KCNIP1: variants seen among roughly 807,000 people sequenced by gnomAD.
KCNIP1 encodes the protein potassium voltage-gated channel interacting protein 1.
In KCNIP1, 18 loss-of-function variants were observed where a neutral mutation model predicts 33.0. That is an observed-to-expected ratio of 0.55 (90% confidence interval 0.38 to 0.81). The LOEUF is 0.81. Ranked by LOEUF, KCNIP1 falls within the 30% of genes least tolerant of loss-of-function variation. The pLI, the probability that KCNIP1 is intolerant of heterozygous loss-of-function variation, is 0.00. For missense variants in KCNIP1, 238 were observed against 271.6 expected, an observed-to-expected ratio of 0.88 and a Z score of 0.87; for synonymous variants, 93 against 98.3, an observed-to-expected ratio of 0.95 and a Z score of 0.32.
chr5:170,364,544 C>T (rs1344664632), intron 1 of KCNIP1, among the ~76,000 whole-genome samples: 2 of 152,156 alleles, frequency 1.3e-5, no homozygotes, highest in Non-Finnish European at 2.9e-5. Context: ...CTCTCAGTGG[C>T]CTGTGACTTT....
chr5:170,406,450 T>C (rs827781), intron 1 of KCNIP1, among the ~76,000 whole-genome samples: 72,273 of 152,116 alleles, frequency 0.48, 18,721 homozygotes, highest in African/African-American at 0.7. Flanking sequence ...TTTTTCCATC[T>C]CTAAAATGGA....
chr5:170,444,591 A>G (rs958701918), intron 1 of KCNIP1, among the ~76,000 whole-genome samples: 1 of 152,040 alleles, frequency 6.6e-6, no homozygotes, highest in Non-Finnish European at 1.5e-5. Context: ...TGCCTACCAC[A>G]GCTTCCATTT....
intron 1 of KCNIP1, among the ~76,000 whole-genome samples, chr5:170,643,580 A>G (rs1407679310): frequency 6.6e-6 from 1 of 152,228 alleles, no homozygotes; most frequent in Non-Finnish European, 1.5e-5. Context: ...ATAGGTGCCC[A>G]GGAAGTGAGA....
intron 1 of KCNIP1, among the ~76,000 whole-genome samples, chr5:170,590,558 A>T (rs1327873771): frequency 1.3e-5 from 2 of 151,988 alleles, no homozygotes; most frequent in Non-Finnish European, 2.9e-5. Context: ...TCAGAGGGTG[A>T]TGGGAGGGGT....
chr5:170,525,645 G>T (rs766659442), intron 1 of KCNIP1, among the ~76,000 whole-genome samples: 4 of 152,214 alleles, frequency 2.6e-5, no homozygotes, highest in Admixed American at 6.5e-5. Flanking sequence ...GACTCAGACT[G>T]CAGTGTTGCA....
At chr5:170,715,773 T>G (rs923554890) in intron 1 of KCNIP1, among the ~76,000 whole-genome samples, 6 of 152,254 alleles carry the variant, frequency 3.9e-5, no homozygotes, top group Admixed American at 2.6e-4. Flanking sequence ...TTAATTTTTA[T>G]CTCAACCATT....
At chr5:170,596,184 A>G (rs544337149) in intron 1 of KCNIP1, among the ~76,000 whole-genome samples, 3 of 152,368 alleles carry the variant, frequency 2.0e-5, no homozygotes, top group Admixed American at 1.3e-4. Context: ...TCAAACAACT[A>G]ATTCTAGAAG....
intron 1 of KCNIP1, among the ~76,000 whole-genome samples, chr5:170,572,586 C>T (rs778249257): frequency 4.6e-5 from 7 of 152,190 alleles, no homozygotes; most frequent in Non-Finnish European, 8.8e-5. Flanking sequence ...TCCTCTCTGC[C>T]ATAGGATCAA....
At chr5:170,644,746 A>G (rs1413058109) in intron 1 of KCNIP1, among the ~76,000 whole-genome samples, 1 of 152,238 alleles carries the variant, frequency 6.6e-6, no homozygotes, top group East Asian at 1.9e-4. Flanking sequence ...GGCCCCCAGA[A>G]TAGGCATTTG....
chr5:170,478,458 T>A (rs898263988), intron 1 of KCNIP1, among the ~76,000 whole-genome samples: 1 of 152,050 alleles, frequency 6.6e-6, no homozygotes, highest in African/African-American at 2.4e-5. Context: ...GCAGTCCTGA[T>A]GGAGTGTAGA....
chr5:170,689,715 A>C (rs1762657033), intron 1 of KCNIP1, among the ~76,000 whole-genome samples: 1 of 152,218 alleles, frequency 6.6e-6, no homozygotes. Flanking sequence ...GTGAATTGAG[A>C]GGAGAGAAAA....
intron 1 of KCNIP1, among the ~76,000 whole-genome samples, chr5:170,662,743 A>G (rs1449856349): frequency 6.6e-6 from 1 of 152,176 alleles, no homozygotes; most frequent in Non-Finnish European, 1.5e-5. Context: ...CACTCTCAGC[A>G]TTTGAGTCTC....
At chr5:170,665,508 G>C (rs11744421) in intron 1 of KCNIP1, among the ~76,000 whole-genome samples, 17,232 of 152,210 alleles carry the variant, frequency 0.11, 1,125 homozygotes, top group African/African-American at 0.16. Context: ...ATTATAGTTA[G>C]AGAAAAACTT....
At chr5:170,563,907 G>A (rs112838580) in intron 1 of KCNIP1, among the ~76,000 whole-genome samples, 5,290 of 152,228 alleles carry the variant, frequency 0.035, 146 homozygotes, top group Non-Finnish European at 0.052. Flanking sequence ...CAAAGTGCTG[G>A]GATTACAAGC....
At chr5:170,591,265 G>C (rs942153696) in intron 1 of KCNIP1, among the ~76,000 whole-genome samples, 2 of 152,184 alleles carry the variant, frequency 1.3e-5, no homozygotes, top group South Asian at 4.1e-4. Context: ...CTGCCTGACC[G>C]TGTGTCCTTC....
chr5:170,586,354 G>A (rs1386115834), intron 1 of KCNIP1, among the ~76,000 whole-genome samples: 1 of 152,196 alleles, frequency 6.6e-6, no homozygotes, highest in East Asian at 1.9e-4. Context: ...TGAGATGATG[G>A]TGACGATGAT....
intron 1 of KCNIP1, among the ~76,000 whole-genome samples, chr5:170,354,951 G>C (rs1763306095): frequency 6.6e-6 from 1 of 152,218 alleles, no homozygotes; most frequent in Non-Finnish European, 1.5e-5. Flanking sequence ...ATTCAGGGAA[G>C]GAGCCCACAA....
chr5:170,569,565 G>A (rs1002326858), intron 1 of KCNIP1, among the ~76,000 whole-genome samples: 3 of 152,188 alleles, frequency 2.0e-5, no homozygotes, highest in African/African-American at 7.2e-5. Context: ...GACAAAGTCA[G>A]TGAGGTACCA....
At chr5:170,589,499 T>C (rs954418883) in intron 1 of KCNIP1, among the ~76,000 whole-genome samples, 2 of 152,152 alleles carry the variant, frequency 1.3e-5, no homozygotes, top group Non-Finnish European at 2.9e-5. Context: ...ACAACATCCC[T>C]GTCCTCGACA....
Sources: allele counts gnomAD v4.1 joint callset (sites outside exome capture counted in the v4.1 genomes callset), GRCh38; gene constraint gnomAD v4.1.1; transcripts MANE v1.5; gene names NCBI Gene and HGNC (gene_info 2026-07-23, HGNC 2026-07-21).